LRRTM4: variants seen among roughly 807,000 people sequenced by gnomAD.
LRRTM4 encodes the protein leucine-rich repeat transmembrane neuronal protein 4.
Under a neutral mutation model 47.6 loss-of-function variants are expected in LRRTM4, and 25 were observed. That is an observed-to-expected ratio of 0.53 (90% CI 0.38 to 0.73). LRRTM4 has a LOEUF of 0.73. LRRTM4 is among the 30% of genes least tolerant of loss of function. The pLI is 0.00. For synonymous variants in LRRTM4, 311 were observed against 269.5 expected (o/e 1.15, Z -1.51); for missense variants, 638 against 713.4 (o/e 0.89, Z 1.20).
At chr2:77,146,894 C>A (rs906198316) in intron 3 of LRRTM4, among the ~76,000 whole-genome samples, 5 of 152,020 alleles carry the variant, frequency 3.3e-5, no homozygotes, top group Admixed American at 2.0e-4. Flanking sequence ...TTGAGTTATG[C>A]CTCATTTTAA....
intron 3 of LRRTM4, among the ~76,000 whole-genome samples, chr2:77,055,304 C>CTGAG: frequency 6.6e-6 from 1 of 152,172 alleles, no homozygotes; most frequent in Non-Finnish European, 1.5e-5. Flanking sequence ...AGAACATGCC[C>CTGAG]AACCTCTAGT....
At position 77,415,842 on chromosome 2, in the gene LRRTM4, G is replaced by C. The variant is rs1027834854; in HGVS notation, c.1551+102476C>G. ...TATCATAGACCTTACCACAGTGTTGGTATATAAGAGGTATTCCCTAGATAT... is the reference window on the plus strand; with the variant it reads ...TATCATAGACCTTACCACAGTGTTGCTATATAAGAGGTATTCCCTAGATAT... On this transcript the variant is annotated intron_variant, in intron 3 of 3. Coordinates refer to ENST00000409884, the MANE Select transcript of LRRTM4 (RefSeq NM_001134745.3). Among the ~76,000 whole-genome samples the C allele has an allele frequency of 3.3e-5, 5 of 152,124 alleles. No individual in the cohort carries two copies. The South Asian group carries it at 6.2e-4, about 19-fold the overall frequency.
chr2:76,807,823 C>T lies in LRRTM4; in HGVS notation c.1552-58907G>A, dbSNP rs533557778. 2.2e-4 allele frequency among the ~76,000 whole-genome samples: 33 copies of T among 151,876 alleles called. No individual in the cohort carries two copies. The East Asian group carries it at 2.7e-3, about 13-fold the overall frequency. On this transcript the variant is annotated intron_variant, in intron 3 of 3. Transcript: ENST00000409884. ...GTCTCCAACTCCTGACCTCGTGATC[C>T]GCCTGCCCCAGCCTCCCAAAGTGCT...
intron 3 of LRRTM4, among the ~76,000 whole-genome samples, chr2:76,873,063 C>G (rs1040827181): frequency 6.6e-6 from 1 of 152,102 alleles, no homozygotes; most frequent in Non-Finnish European, 1.5e-5. Context: ...ATAAATTACT[C>G]AGCCTAAGGC....
At chr2:76,794,727 T>TTGCTATGGTG (rs1214469878) in intron 3 of LRRTM4, among the ~76,000 whole-genome samples, 6 of 151,926 alleles carry the variant, frequency 3.9e-5, no homozygotes, top group African/African-American at 1.5e-4. Flanking sequence ...GGCTAATTCT[T>TTGCTATGGTG]TGCTATGGTG....
chr2:76,939,540 T>C (rs1397456131), intron 3 of LRRTM4, among the ~76,000 whole-genome samples: 1 of 152,020 alleles, frequency 6.6e-6, no homozygotes, highest in Non-Finnish European at 1.5e-5. Context: ...ATTTATATCA[T>C]GGAAGATAAA....
chr2:76,855,277 A>G (rs1672115667), intron 3 of LRRTM4, among the ~76,000 whole-genome samples: 1 of 152,240 alleles, frequency 6.6e-6, no homozygotes. Context: ...TAACTGAAGA[A>G]AAGTTACTGA....
chr2:77,480,237 A>T (rs1483716915), intron 3 of LRRTM4, among the ~76,000 whole-genome samples: 2 of 151,914 alleles, frequency 1.3e-5, no homozygotes, highest in Non-Finnish European at 2.9e-5. Flanking sequence ...AAAAAAAAAA[A>T]GATGATCAAG....
chr2:77,111,285 T>TTTTTC (rs1369080833), intron 3 of LRRTM4, among the ~76,000 whole-genome samples: 10 of 131,438 alleles, frequency 7.6e-5, no homozygotes, highest in African/African-American at 3.3e-4. Flanking sequence ...ACCTGGCTAT[T>TTTTTC]TTTTTTTTTT....
intron 3 of LRRTM4, among the ~76,000 whole-genome samples, chr2:77,047,480 C>G (rs916663180): frequency 2.4e-4 from 37 of 152,074 alleles, no homozygotes; most frequent in African/African-American, 8.4e-4. Flanking sequence ...AGAAGCTGTT[C>G]TACGCCCCTC....
Position 76,976,695 on chromosome 2 carries a change from G to C in LRRTM4, c.1552-227779C>G, listed in dbSNP as rs115997382. ...GTAGAATTGTGGGTATTAGGGGCTG[G>C]GATATCCGTGGAAAAAGGTTGGTTA... On this transcript the variant is annotated intron_variant, in intron 3 of 3. Coordinates refer to ENST00000409884, the MANE Select transcript of LRRTM4 (RefSeq NM_001134745.3). Among the ~76,000 whole-genome samples, 339 of 151,842 alleles carry C rather than the reference G, an allele frequency of 2.2e-3. 1 individual carries two copies. Among genetic ancestry groups the C allele is most frequent in the African/African-American group, 7.4e-3 (305 of 41,486 alleles).
chr2:77,190,732 C>T (rs1019104557), intron 3 of LRRTM4, among the ~76,000 whole-genome samples: 1 of 152,130 alleles, frequency 6.6e-6, no homozygotes, highest in Non-Finnish European at 1.5e-5. Flanking sequence ...CAAATATATA[C>T]TCTACATGCA....
intron 3 of LRRTM4, among the ~76,000 whole-genome samples, chr2:77,294,869 A>C (rs1469078956): frequency 3.9e-5 from 6 of 152,174 alleles, no homozygotes; most frequent in Admixed American, 2.6e-4. Context: ...TAGGATTTAT[A>C]TTTTATTACC....
chr2:77,426,521 T>C (rs1257152092), intron 3 of LRRTM4, among the ~76,000 whole-genome samples: 2 of 152,090 alleles, frequency 1.3e-5, no homozygotes, highest in East Asian at 1.9e-4. Context: ...CCAAACCTCA[T>C]CTTGAATTGT....
intron 3 of LRRTM4, among the ~76,000 whole-genome samples, chr2:77,149,194 A>G (rs976970786): frequency 3.9e-5 from 6 of 152,290 alleles, no homozygotes; most frequent in African/African-American, 1.4e-4. Flanking sequence ...ATACCACTGG[A>G]TTTTAAAATT....
intron 3 of LRRTM4, among the ~76,000 whole-genome samples, chr2:76,895,371 T>C (rs537688465): frequency 1.9e-4 from 29 of 152,078 alleles, no homozygotes; most frequent in Non-Finnish European, 2.8e-4. Context: ...ATAAAAATGA[T>C]GCCTCATCCA....
chr2:77,024,291 T>G (rs1027199460), intron 3 of LRRTM4, among the ~76,000 whole-genome samples: 2 of 152,192 alleles, frequency 1.3e-5, no homozygotes, highest in African/African-American at 4.8e-5. Context: ...TTTGTTTCTA[T>G]AAGTTTGACT....
At chr2:77,277,654 C>G (rs1676398459) in intron 3 of LRRTM4, among the ~76,000 whole-genome samples, 2 of 151,962 alleles carry the variant, frequency 1.3e-5, no homozygotes, top group African/African-American at 4.8e-5. Context: ...TTAGTGCACT[C>G]TTAAATTTCT....
chr2:77,181,121 C>T (rs1041715706), intron 3 of LRRTM4, among the ~76,000 whole-genome samples: 21 of 152,174 alleles, frequency 1.4e-4, no homozygotes, highest in African/African-American at 4.8e-4. Context: ...ATGACATAAA[C>T]TAGACAAATG....
Sources: gnomAD v4.1 joint callset for allele counts (sites outside exome capture counted in the v4.1 genomes callset) on GRCh38, gnomAD v4.1.1 for gene constraint, MANE v1.5 for transcripts, NCBI Gene and HGNC (gene_info 2026-07-23, HGNC 2026-07-21) for gene names.